The following INPP5B variants were observed in gnomAD, a reference collection of about 807,000 sequenced individuals.
INPP5B encodes the protein type II inositol 1,4,5-trisphosphate 5-phosphatase.
INPP5B carries 90 observed loss-of-function variants against 118.5 expected under a neutral mutation model. That is an observed-to-expected ratio of 0.76 (90% CI 0.64 to 0.90). INPP5B has a LOEUF of 0.90. Among genes scored for constraint, INPP5B ranks in the 40% least tolerant of loss-of-function variants. The pLI is 0.00. For synonymous variants in INPP5B, 385 were observed against 418.9 expected, an observed-to-expected ratio of 0.92 and a Z score of 0.99; for missense variants, 984 against 1,125.6, an observed-to-expected ratio of 0.87 and a Z score of 1.80.
chr1:37,876,203 A>G (rs968743033), intron 16 of INPP5B, among the ~76,000 whole-genome samples: 7 of 151,144 alleles, frequency 4.6e-5, no homozygotes, highest in African/African-American at 1.7e-4. Flanking sequence ...TTCTGGGTTC[A>G]AGTGATGCTC....
intron 7 of INPP5B, among the ~76,000 whole-genome samples, chr1:37,911,621 C>A (rs1317381943): frequency 4.6e-5 from 7 of 152,174 alleles, no homozygotes; most frequent in Admixed American, 4.6e-4. Flanking sequence ...TTAACTTGGG[C>A]CCTCATTCTT....
At chr1:37,916,476 G>A (rs1478251522) in intron 7 of INPP5B, among the ~76,000 whole-genome samples, 1 of 150,820 alleles carries the variant, frequency 6.6e-6, no homozygotes, top group African/African-American at 2.4e-5. Context: ...GAGTGCAATG[G>A]CACGATCTCG....
intron 6 of INPP5B, among the ~76,000 whole-genome samples, chr1:37,936,267 T>C (rs975932391): frequency 7.2e-5 from 11 of 152,098 alleles, no homozygotes; most frequent in African/African-American, 9.6e-5. Context: ...TGCCAAGCCC[T>C]TTTCCTCCTT....
chr1:37,870,477 T>C (rs1371421143), intron 19 of INPP5B, among the ~76,000 whole-genome samples: 1 of 152,192 alleles, frequency 6.6e-6, no homozygotes, highest in Non-Finnish European at 1.5e-5. Flanking sequence ...ATATGTACGT[T>C]GAAACCTAAT....
intron 3 of INPP5B, among the ~76,000 whole-genome samples, chr1:37,944,473 G>T (rs1490733838): frequency 1.3e-5 from 2 of 151,930 alleles, no homozygotes; most frequent in African/African-American, 2.4e-5. Context: ...GCCCAGGCTG[G>T]TCTTGAACTC....
chr1:37,911,863 G>A (rs533981834), intron 7 of INPP5B, among the ~76,000 whole-genome samples: 2 of 152,308 alleles, frequency 1.3e-5, no homozygotes, highest in South Asian at 2.1e-4. Context: ...TCAGGGCAAC[G>A]CTTATGCTGA....
chr1:37,922,661 A>G (rs576145806), intron 7 of INPP5B, among the ~76,000 whole-genome samples: 16 of 152,344 alleles, frequency 1.1e-4, no homozygotes, highest in African/African-American at 3.8e-4. Context: ...GCACCACTGC[A>G]GTCCAGCCTG....
chr1:37,935,719 C>G (rs1379306125), intron 6 of INPP5B, among the ~76,000 whole-genome samples: 1 of 152,126 alleles, frequency 6.6e-6, no homozygotes, highest in Admixed American at 6.6e-5. Context: ...TACCAGTTGC[C>G]AGAGGAACTT....
At chr1:37,881,540 T>C (rs1643199502) in intron 14 of INPP5B, among the ~76,000 whole-genome samples, 1 of 152,156 alleles carries the variant, frequency 6.6e-6, no homozygotes, top group Non-Finnish European at 1.5e-5. Context: ...GAAAAAACTA[T>C]TTAAAAAGCA....
intron 22 of INPP5B, 76 bp from the exon 23 acceptor site, chr1:37,864,499 G>A: frequency 1.2e-6 from 1 of 824,148 alleles, no homozygotes; most frequent in Non-Finnish European, 2.0e-6. Flanking sequence ...TCCAAGAACT[G>A]TATACACGAT....
chr1:37,920,674 AAAG>A (rs71054002), intron 7 of INPP5B, among the ~76,000 whole-genome samples: 47,335 of 149,090 alleles, frequency 0.32, 8,662 homozygotes, highest in Middle Eastern at 0.43. Flanking sequence ...CAAAAAAAAA[AAAG>A]AAGAAGAAGA....
At chr1:37,883,758 G>T in intron 13 of INPP5B, 1 of 985,412 alleles carries the variant, frequency 1.0e-6, no homozygotes. Flanking sequence ...CATCCTGTCA[G>T]CTTCCAGAAC....
chr1:37,931,496 TAAG>T (rs1266462793), intron 7 of INPP5B: 9 of 1,534,200 alleles, frequency 5.9e-6, no homozygotes, highest in South Asian at 1.2e-5. Context: ...CACGCACGCC[TAAG>T]AAGAACATCA....
At position 37,872,919 on chromosome 1, in the gene INPP5B, A is replaced by T; in HGVS notation, c.2187+11T>A. 1.9e-6 allele frequency: 3 copies of T among 1,595,120 alleles called. No individual in the cohort carries two copies. The highest frequency in any genetic ancestry group is 1.7e-6 in the Non-Finnish European group (2 of 1,163,048). On this transcript the variant is annotated intron_variant, in intron 19 of 23. Transcript: ENST00000373024. ...AAAGTTCTAGATGTTTCTTTGTGGCATATTACTCACCAGCTCACTAATGGT... is the reference window on the plus strand; with the variant it reads ...AAAGTTCTAGATGTTTCTTTGTGGCTTATTACTCACCAGCTCACTAATGGT...
At chr1:37,894,751 G>A (rs577881178) in intron 7 of INPP5B, among the ~76,000 whole-genome samples, 26 of 152,088 alleles carry the variant, frequency 1.7e-4, no homozygotes, top group Non-Finnish European at 3.5e-4. Context: ...TGGTAGAGAC[G>A]GGTTTTGCCA....
At chr1:37,872,719 C>T (rs537305200) in intron 19 of INPP5B, among the ~76,000 whole-genome samples, 54 of 151,214 alleles carry the variant, frequency 3.6e-4, no homozygotes, top group African/African-American at 1.2e-3. Flanking sequence ...CATGGGAAAC[C>T]CACAGAATCA....
At chr1:37,934,766 GAC>G (rs1557721796) in intron 6 of INPP5B, among the ~76,000 whole-genome samples, 1 of 152,136 alleles carries the variant, frequency 6.6e-6, no homozygotes, top group Admixed American at 6.5e-5. Flanking sequence ...GGGACTGCAA[GAC>G]ACACACCCAA....
chr1:37,880,669 G>A (rs1462896967), intron 14 of INPP5B, among the ~76,000 whole-genome samples: 4 of 151,868 alleles, frequency 2.6e-5, no homozygotes, highest in Admixed American at 6.6e-5. Flanking sequence ...AACTCCTGAC[G>A]TGATCCACCC....
chr1:37,931,627 G>A (rs1238860685), intron 7 of INPP5B: 1 of 1,533,874 alleles, frequency 6.5e-7, no homozygotes, highest in African/African-American at 1.4e-5. Context: ...GCGCACCGCC[G>A]CCCCCGGCCC....
Sources: gnomAD v4.1 joint callset for allele counts (sites outside exome capture counted in the v4.1 genomes callset) on GRCh38, gnomAD v4.1.1 for gene constraint, MANE v1.5 for transcripts, NCBI Gene and HGNC (gene_info 2026-07-23, HGNC 2026-07-21) for gene names.